The following OPCML variants were observed in gnomAD, a reference collection of about 807,000 sequenced individuals.
OPCML encodes the protein opioid-binding protein/cell adhesion molecule.
OPCML carries 13 observed loss-of-function variants against 37.8 expected under a neutral mutation model. The observed-to-expected ratio is 0.34, with a 90% CI of 0.22 to 0.55. The LOEUF is 0.55. Ranked by LOEUF, OPCML falls within the 20% of genes least tolerant of loss-of-function variation. The pLI is 0.91. For missense variants in OPCML, 341 were observed against 435.6 expected (o/e 0.78, Z 1.93); for synonymous variants, 176 against 168.8 (o/e 1.04, Z -0.33).
At chr11:132,547,092 C>T (rs1355576546) in intron 3 of OPCML, among the ~76,000 whole-genome samples, 5 of 152,162 alleles carry the variant, frequency 3.3e-5, no homozygotes, top group Non-Finnish European at 4.4e-5. Flanking sequence ...ATGTCAAAGG[C>T]TTTTGGGACA....
intron 3 of OPCML, among the ~76,000 whole-genome samples, chr11:132,549,268 A>G (rs2096376033): frequency 6.6e-6 from 1 of 152,234 alleles, no homozygotes; most frequent in Non-Finnish European, 1.5e-5. Context: ...GCGCCTTGGT[A>G]ATTTACAAAT....
intron 1 of OPCML, among the ~76,000 whole-genome samples, chr11:133,326,718 G>T (rs2136636516): frequency 7.1e-6 from 1 of 140,490 alleles, no homozygotes; most frequent in South Asian, 2.4e-4. Flanking sequence ...AGTGGGGTGT[G>T]GGTGTAGGGG....
chr11:132,428,422 G>A (rs540778215), intron 7 of OPCML, among the ~76,000 whole-genome samples: 18 of 152,340 alleles, frequency 1.2e-4, no homozygotes, highest in Admixed American at 2.6e-4. Context: ...TCTTCTAAGT[G>A]CAGAAAATGA....
intron 1 of OPCML, among the ~76,000 whole-genome samples, chr11:132,966,911 T>G (rs1591857502): frequency 6.6e-6 from 1 of 152,088 alleles, no homozygotes; most frequent in African/African-American, 2.4e-5. Flanking sequence ...TTTTTTAAAG[T>G]TCAACCTATT....
At chr11:133,448,448 G>A (rs1255450155) in intron 1 of OPCML, among the ~76,000 whole-genome samples, 2 of 151,890 alleles carry the variant, frequency 1.3e-5, no homozygotes, top group Non-Finnish European at 1.5e-5. Context: ...CTGTAGAAAT[G>A]TCTAGTGTTT....
At chr11:132,420,334 C>T in intron 7 of OPCML, 41 bp from the exon 8 acceptor site, 1 of 1,607,436 alleles carries the variant, frequency 6.2e-7, no homozygotes, top group Non-Finnish European at 8.5e-7. Flanking sequence ...AGCATACACC[C>T]AAGGACACCA....
chr11:133,264,964 G>A (rs1203193893), intron 1 of OPCML, among the ~76,000 whole-genome samples: 21 of 152,312 alleles, frequency 1.4e-4, no homozygotes, highest in Non-Finnish European at 4.4e-5. Context: ...CTAGACATAG[G>A]AGTGAGGTAA....
chr11:132,748,915 T>C (rs1254073307), intron 2 of OPCML, among the ~76,000 whole-genome samples: 1 of 152,144 alleles, frequency 6.6e-6, no homozygotes, highest in Non-Finnish European at 1.5e-5. Flanking sequence ...ATTTTTAAGG[T>C]AGAATTGGTG....
chr11:132,863,773 T>G (rs1359884747), intron 2 of OPCML, among the ~76,000 whole-genome samples: 1 of 152,164 alleles, frequency 6.6e-6, no homozygotes, highest in Non-Finnish European at 1.5e-5. Flanking sequence ...CCGGGAGGAA[T>G]CTACACGGGC....
At chr11:133,305,964 A>T (rs1942903614) in intron 1 of OPCML, among the ~76,000 whole-genome samples, 1 of 152,214 alleles carries the variant, frequency 6.6e-6, no homozygotes, top group South Asian at 2.1e-4. Context: ...AAGGACCTTC[A>T]CATCGTTATT....
At chr11:132,960,213 A>G (rs1946062455) in intron 1 of OPCML, among the ~76,000 whole-genome samples, 1 of 152,226 alleles carries the variant, frequency 6.6e-6, no homozygotes, top group Non-Finnish European at 1.5e-5. Context: ...AGCCGGCCCA[A>G]TAACCGTAAC....
intron 1 of OPCML, among the ~76,000 whole-genome samples, chr11:133,018,835 C>T (rs573844811): frequency 6.6e-6 from 1 of 152,368 alleles, no homozygotes; most frequent in African/African-American, 2.4e-5. Context: ...GCGGCCGCAG[C>T]TGATGCGGCT....
At chr11:133,428,482 T>C (rs865838561) in intron 1 of OPCML, among the ~76,000 whole-genome samples, 19 of 152,230 alleles carry the variant, frequency 1.2e-4, no homozygotes, top group African/African-American at 4.1e-4. Flanking sequence ...ATAAGATTAT[T>C]GAACAATGTT....
Position 133,228,301 on chromosome 11 carries a change from G to C in OPCML, c.62-285291C>G, listed in dbSNP as rs571011499. Among the ~76,000 whole-genome samples the C allele has an allele frequency of 2.5e-4, 38 of 152,202 alleles. 1 individual carries two copies. Among genetic ancestry groups the C allele is most frequent in the African/African-American group, 7.0e-4 (29 of 41,524 alleles). On this transcript the variant is annotated intron_variant, in intron 1 of 7. Coordinates refer to ENST00000524381, the MANE Select transcript of OPCML (RefSeq NM_001012393.5). ...TGAGCATAGCAGGTGTTCACACCCC[G>C]GTTTTACAGACAGAAACAGTTGGAA...
chr11:132,534,631 G>A (rs920675897), intron 3 of OPCML, among the ~76,000 whole-genome samples: 1 of 152,196 alleles, frequency 6.6e-6, no homozygotes, highest in African/African-American at 2.4e-5. Flanking sequence ...GGAAACGGAA[G>A]TGAGAGGCCA....
intron 3 of OPCML, among the ~76,000 whole-genome samples, chr11:132,540,955 T>TC (rs368565243): frequency 0.012 from 1,802 of 152,164 alleles, 42 homozygotes; most frequent in African/African-American, 0.04. Flanking sequence ...TTTGTTCCTT[T>TC]CCCCCCCGAC....
intron 2 of OPCML, among the ~76,000 whole-genome samples, chr11:132,761,654 C>T (rs898600444): frequency 6.6e-6 from 1 of 152,072 alleles, no homozygotes; most frequent in Non-Finnish European, 1.5e-5. Context: ...TTTTCGGCTC[C>T]ATCACATCAT....
intron 2 of OPCML, among the ~76,000 whole-genome samples, chr11:132,852,314 G>T (rs1174446036): frequency 6.6e-6 from 1 of 152,082 alleles, no homozygotes; most frequent in African/African-American, 2.4e-5. Flanking sequence ...TCTCATTTAT[G>T]TCAGTACCAG....
chr11:133,261,673 G>A (rs1348298738), intron 1 of OPCML, among the ~76,000 whole-genome samples: 5 of 152,210 alleles, frequency 3.3e-5, no homozygotes, highest in South Asian at 2.1e-4. Context: ...AAGGAACAGC[G>A]CATAGTACAT....
Sources: allele counts gnomAD v4.1 joint callset (sites outside exome capture counted in the v4.1 genomes callset), GRCh38; gene constraint gnomAD v4.1.1; transcripts MANE v1.5; gene names NCBI Gene and HGNC (gene_info 2026-07-23, HGNC 2026-07-21).